Variants in FAM186B observed in about 807,000 individuals in gnomAD.
FAM186B encodes the protein protein FAM186B.
FAM186B carries 68 observed loss-of-function variants against 83.4 expected under a neutral mutation model. The observed-to-expected ratio is 0.81, with a 90% CI of 0.67 to 1.00. FAM186B has a LOEUF of 1.00. Among genes scored for constraint, FAM186B ranks in the 50% least tolerant of loss-of-function variants. The probability of loss-of-function intolerance (pLI) is 0.00; values close to 1 mark genes in which losing one functional copy is unlikely to be tolerated. For synonymous variants in FAM186B, 389 were observed against 422.0 expected (o/e 0.92, Z 0.96); for missense variants, 983 against 1,099.2 (o/e 0.89, Z 1.49).
chr12:49,616,178 C>T, the FAM186B span, among the ~76,000 whole-genome samples: 6 of 152,008 alleles, frequency 3.9e-5, no homozygotes, highest in Middle Eastern at 6.8e-3. Context: ...TACAGGTGCC[C>T]GCCACCATGC....
the FAM186B span, among the ~76,000 whole-genome samples, chr12:49,622,435 A>T: frequency 6.6e-6 from 1 of 152,198 alleles, no homozygotes; most frequent in Non-Finnish European, 1.5e-5. Context: ...TGAGACCAGG[A>T]GGCTGAGGCT....
intron 5 of FAM186B, among the ~76,000 whole-genome samples, chr12:49,592,940 A>G (rs944009989): frequency 1.3e-5 from 2 of 152,236 alleles, no homozygotes; most frequent in Middle Eastern, 3.2e-3. Flanking sequence ...ACAAATAGAA[A>G]TGAAGAGCAA....
chr12:49,613,052 C>T, the FAM186B span, among the ~76,000 whole-genome samples: 1 of 152,094 alleles, frequency 6.6e-6, no homozygotes, highest in Non-Finnish European at 1.5e-5. Context: ...ACCTCAGTGG[C>T]ATAAAAATAG....
chr12:49,602,304 C>A (rs1939913209), intron 3 of FAM186B, among the ~76,000 whole-genome samples: 2 of 152,148 alleles, frequency 1.3e-5, no homozygotes, highest in African/African-American at 4.8e-5. Flanking sequence ...GTACAGATTG[C>A]AGAAGAGATT....
chr12:49,599,519 C>T lies in FAM186B; in HGVS notation c.2121G>A (p.Leu707=). ...AGATGTACTTATGGCACAGGTACTG[C>T]AGCCTGAGCGCGCCCAGCTCCATGG... The part of the protein sequence containing the change: ...TTTMELGALR[L]QYLCHKYIFY... The change falls in exon 4 of 7, where the codon CTG becomes CTA. Residue 707 remains leucine (L), a synonymous_variant. Coordinates refer to ENST00000257894, the MANE Select transcript of FAM186B (RefSeq NM_032130.3). 1 of 1,589,710 alleles carries T rather than the reference C, an allele frequency of 6.3e-7. No homozygotes were observed. Among genetic ancestry groups the T allele is most frequent in the African/African-American group, 1.4e-5 (1 of 73,964 alleles).
chr12:49,597,802 G>A (rs1019738646), intron 5 of FAM186B, among the ~76,000 whole-genome samples: 1 of 152,200 alleles, frequency 6.6e-6, no homozygotes, highest in South Asian at 2.1e-4. Context: ...GCTCATGCCT[G>A]TAATCCCAGC....
chr12:49,602,046 C>T (rs1939907315), intron 3 of FAM186B, among the ~76,000 whole-genome samples: 2 of 152,110 alleles, frequency 1.3e-5, no homozygotes, highest in Non-Finnish European at 2.9e-5. Flanking sequence ...TCTGATTTGC[C>T]TTGGGCAATT....
chr12:49,592,239 C>T (rs775180033), intron 5 of FAM186B, among the ~76,000 whole-genome samples: 23 of 150,820 alleles, frequency 1.5e-4, no homozygotes, highest in Non-Finnish European at 2.4e-4. Flanking sequence ...TTTGGGAGGC[C>T]GAGGTGGGCA....
At chr12:49,610,838 A>G in the FAM186B span, among the ~76,000 whole-genome samples, 3 of 152,094 alleles carry the variant, frequency 2.0e-5, no homozygotes, top group Non-Finnish European at 2.9e-5. Context: ...TCAAAATACA[A>G]TTGAAAGCTT....
intron 1 of FAM186B, chr12:49,605,131 C>CTA (rs780715237): frequency 4.9e-4 from 642 of 1,309,646 alleles, no homozygotes; most frequent in Non-Finnish European, 5.5e-4. Flanking sequence ...TGCCTCAGGG[C>CTA]TATCCTCGAG....
chr12:49,601,171 C>A, intron 3 of FAM186B, 37 bp from the exon 4 acceptor site: 1 of 1,519,196 alleles, frequency 6.6e-7, no homozygotes, highest in South Asian at 1.3e-5. Context: ...AACGATTTCT[C>A]ATGGGTCCCA....
chr12:49,611,241 T>C, the FAM186B span, among the ~76,000 whole-genome samples: 1 of 152,056 alleles, frequency 6.6e-6, no homozygotes, highest in Admixed American at 6.5e-5. Flanking sequence ...GGCATGGTGG[T>C]GGGTGCCTGT....
chr12:49,599,430 C>G (rs1331379595), intron 4 of FAM186B, 39 bp downstream of exon 4: 37 of 1,508,222 alleles, frequency 2.5e-5, no homozygotes, highest in Non-Finnish European at 3.3e-5. Context: ...CAACATATTG[C>G]AGCAGGTGGG....
intron 4 of FAM186B, among the ~76,000 whole-genome samples, 180 bp from the exon 5 acceptor site, chr12:49,599,127 C>T (rs1565809370): frequency 6.6e-6 from 1 of 151,876 alleles, no homozygotes; most frequent in Non-Finnish European, 1.5e-5. Context: ...TGAGGAGCCT[C>T]AGGGCTGGGA....
chr12:49,601,083 G>A lies in FAM186B; in HGVS notation c.557C>T (p.Ser186Phe). The A allele has an allele frequency of 6.2e-7, 1 of 1,600,442 alleles. No individual in the cohort carries two copies. The highest frequency in any genetic ancestry group is 1.3e-5 in the African/African-American group (1 of 74,624). The change falls in exon 4 of 7, where the codon TCT becomes TTT. Residue 186 changes from serine (S) to phenylalanine (F), a missense_variant. Coordinates refer to ENST00000257894, the MANE Select transcript of FAM186B (RefSeq NM_032130.3). ...QGWQGRSPQT[S>F]PSHPQPLSPE... Reference sequence around the variant, plus strand: ...GCTTAGTGGCTGAGGATGGGATGGAGATGTCTGTGGGCTTCTTCCCTGCCA... The same window carrying A: ...GCTTAGTGGCTGAGGATGGGATGGAAATGTCTGTGGGCTTCTTCCCTGCCA...
In FAM186B at chr12:49,598,855, C is replaced by G. The variant is rs774237013; in HGVS notation, c.2264G>C (p.Arg755Pro). The G allele has an allele frequency of 6.2e-7, 1 of 1,613,178 alleles. No homozygotes were observed. Among genetic ancestry groups the G allele is most frequent in the South Asian group, 1.1e-5 (1 of 90,958 alleles). ...GGCCTGCAGCCTGAGACTCTGCAGG[C>G]GGTCAATGTTTTCCAGGAAGATGTA... The part of the protein sequence containing the change: ...NLYIFLENID[R>P]LQSLRLQAWT... The change falls in exon 5 of 7, where the codon CGC (arginine) becomes CCC (proline). Residue 755 changes from arginine to proline, a missense_variant. Physicochemically the swap from Arg to Pro is moderately radical, Grantham distance 103. Transcript: ENST00000257894.
At chr12:49,582,935 C>G, downstream of FAM186B, 1 of 436,896 alleles carries the variant, frequency 2.3e-6, no homozygotes, top group South Asian at 1.6e-5. Context: ...CACAGCTTGG[C>G]CCGTGCAGGC....
At chr12:49,583,400 T>C (rs1939376335), downstream of FAM186B, 1 of 243,168 alleles carries the variant, frequency 4.1e-6, no homozygotes, top group Non-Finnish European at 8.3e-6. Context: ...GAGCGATACA[T>C]TTAGTGTGAG....
At position 49,599,660 on chromosome 12, in the gene FAM186B, C is replaced by T. The variant is rs1352836441; in HGVS notation, c.1980G>A (p.Lys660=). ...LQISPANIKK[K]VYHMDMEAQR... ...GGGCCTCCATGTCCATGTGGTACAC[C>T]TTCTTCTTAATATTTGCAGGGGATA... is the stretch of plus-strand genomic sequence containing the variant. The change falls in exon 4 of 7, where the codon AAG becomes AAA. Residue 660 remains lysine, a synonymous_variant. Transcript: ENST00000257894. 1 of 1,605,360 alleles carries T rather than the reference C, an allele frequency of 6.2e-7. No individual in the cohort carries two copies. The highest frequency in any genetic ancestry group is 1.1e-5 in the South Asian group (1 of 89,658).
Sources: gnomAD v4.1 joint callset for allele counts (sites outside exome capture counted in the v4.1 genomes callset) on GRCh38, gnomAD v4.1.1 for gene constraint, MANE v1.5 for transcripts, NCBI Gene and HGNC (gene_info 2026-07-23, HGNC 2026-07-21) for gene names.